Variants in ITGAE observed in about 807,000 individuals in gnomAD.
The protein encoded by ITGAE is integrin subunit alpha E, also known as integrin alpha-E.
ITGAE carries 99 observed loss-of-function variants against 136.5 expected under a neutral mutation model. That is an observed-to-expected ratio of 0.73 (90% confidence interval 0.62 to 0.86). The LOEUF (loss-of-function observed/expected upper bound fraction) is 0.86, where lower values mean the gene tolerates loss of function less well. Ranked by LOEUF, ITGAE falls within the 40% of genes least tolerant of loss-of-function variation. The pLI is 0.00. For missense variants in ITGAE, 1,447 were observed against 1,515.3 expected (o/e 0.95, Z 0.75); for synonymous variants, 613 against 591.8 (o/e 1.04, Z -0.52).
At chr17:3,785,250 CTT>C (rs1355600291) in intron 1 of ITGAE, among the ~76,000 whole-genome samples, 2 of 152,138 alleles carry the variant, frequency 1.3e-5, no homozygotes, top group African/African-American at 2.4e-5. Flanking sequence ...AGGCGGATCA[CTT>C]GAGGTCAGGA....
intron 1 of ITGAE, among the ~76,000 whole-genome samples, chr17:3,785,496 G>GAAGGAGGAAGGA (rs549502369): frequency 1.9e-5 from 2 of 107,700 alleles, no homozygotes; most frequent in Non-Finnish European, 3.9e-5. Flanking sequence ...AGGAAGGAAG[G>GAAGGAGGAAGGA]AGGAAGGAAG....
At chr17:3,754,423 C>T (rs1039488312) in intron 12 of ITGAE, among the ~76,000 whole-genome samples, 1 of 152,202 alleles carries the variant, frequency 6.6e-6, no homozygotes, top group Non-Finnish European at 1.5e-5. Flanking sequence ...AGGCATCCGC[C>T]ACCACGCCTA....
At chr17:3,728,229 G>GTGAGACCCT in intron 24 of ITGAE, 61 bp from the exon 25 acceptor site, 1 of 1,293,920 alleles carries the variant, frequency 7.7e-7, no homozygotes, top group Non-Finnish European at 1.1e-6. Context: ...TTGGAGACAG[G>GTGAGACCCT]GTCTCACTCT....
At chr17:3,792,709 G>C (rs936985163) in intron 1 of ITGAE, among the ~76,000 whole-genome samples, 4 of 152,186 alleles carry the variant, frequency 2.6e-5, no homozygotes, top group Non-Finnish European at 5.9e-5. Flanking sequence ...AAATCCTTTG[G>C]CTTAATAAAA....
At chr17:3,760,719 C>T (rs899781236) in intron 6 of ITGAE, among the ~76,000 whole-genome samples, 2 of 152,068 alleles carry the variant, frequency 1.3e-5, no homozygotes, top group African/African-American at 4.8e-5. Context: ...GGATTACAGG[C>T]ATGAGCCACC....
At chr17:3,752,314 T>G (rs1040159353) in intron 14 of ITGAE, among the ~76,000 whole-genome samples, 2 of 152,166 alleles carry the variant, frequency 1.3e-5, no homozygotes, top group African/African-American at 4.8e-5. Context: ...ACATGCCAGG[T>G]ACACTTGAGC....
chr17:3,796,158 TG>T (rs2053093516), intron 1 of ITGAE, among the ~76,000 whole-genome samples: 1 of 98,784 alleles, frequency 1.0e-5, no homozygotes, highest in Admixed American at 1.1e-4. Flanking sequence ...CGTGTGTGTG[TG>T]TGTGTGCATC....
At chr17:3,790,857 TAA>T in intron 1 of ITGAE, among the ~76,000 whole-genome samples, 1 of 151,930 alleles carries the variant, frequency 6.6e-6, no homozygotes, top group East Asian at 1.9e-4. Context: ...AACCAACTGT[TAA>T]AAAGACATTT....
intron 20 of ITGAE, 69 bp from the exon 21 acceptor site, chr17:3,735,018 G>A (rs2051430374): frequency 6.4e-7 from 1 of 1,550,748 alleles, no homozygotes; most frequent in East Asian, 2.3e-5. Flanking sequence ...AATACAATAG[G>A]ACATTCACCG....
intron 26 of ITGAE, chr17:3,726,412 A>AGGAG: frequency 1.1e-6 from 1 of 921,738 alleles, no homozygotes; most frequent in Non-Finnish European, 1.7e-6. Context: ...CCATCCCCAC[A>AGGAG]GGAGGGTGGA....
At chr17:3,751,082 G>C (rs2051853582) in intron 15 of ITGAE, among the ~76,000 whole-genome samples, 1 of 152,014 alleles carries the variant, frequency 6.6e-6, no homozygotes, top group African/African-American at 2.4e-5. Flanking sequence ...TTTCCGGTGT[G>C]GGGTGTGGAG....
intron 1 of ITGAE, among the ~76,000 whole-genome samples, chr17:3,790,167 AGAC>A (rs1488362265): frequency 6.6e-6 from 1 of 152,166 alleles, no homozygotes; most frequent in Non-Finnish European, 1.5e-5. Flanking sequence ...GCAGGTCTTC[AGAC>A]CACATTCTGA....
intron 2 of ITGAE, among the ~76,000 whole-genome samples, chr17:3,771,990 G>C (rs980481590): frequency 5.3e-5 from 8 of 151,996 alleles, no homozygotes; most frequent in Admixed American, 3.9e-4. Context: ...CAAACCCTCA[G>C]TGCCTGGGTG....
chr17:3,772,493 T>G lies in ITGAE; in HGVS notation c.155+5047A>C, dbSNP rs2052449076. Reference sequence around the variant, plus strand: ...TTTTTTTTTTTTTTTTGAGACGGAGTCTCACTGTCGCCCAGGCTGGAGTGC... The same window carrying G: ...TTTTTTTTTTTTTTTTGAGACGGAGGCTCACTGTCGCCCAGGCTGGAGTGC... On this transcript the variant is annotated intron_variant, in intron 2 of 30. Transcript: ENST00000263087. Among the ~76,000 whole-genome samples the G allele has an allele frequency of 2.1e-5, 3 of 140,662 alleles. 1 individual carries two copies. Among genetic ancestry groups the G allele is most frequent in the African/African-American group, 2.8e-5 (1 of 35,568 alleles). 92.3% of individuals were successfully genotyped at this position (140,662 alleles called of 152,430 possible).
chr17:3,739,043 C>T (rs558354942), intron 20 of ITGAE: 1 of 152,362 alleles, frequency 6.6e-6, no homozygotes, highest in South Asian at 2.1e-4. Context: ...TTACACCCCG[C>T]CCCACTCCAC....
At chr17:3,760,409 G>C in intron 6 of ITGAE, 122 bp from the exon 7 acceptor site, 1 of 260,210 alleles carries the variant, frequency 3.8e-6, no homozygotes, top group East Asian at 6.0e-5. Flanking sequence ...GAAGAAGTTG[G>C]AGAAGCTCCC....
chr17:3,726,738 T>G (rs2051223300), intron 26 of ITGAE: 1 of 157,440 alleles, frequency 6.4e-6, no homozygotes, highest in Non-Finnish European at 1.4e-5. Flanking sequence ...TTTTTTTAAT[T>G]TTATTGAGAC....
At chr17:3,723,265 T>C in intron 28 of ITGAE, 23 bp downstream of exon 28, 1 of 1,491,610 alleles carries the variant, frequency 6.7e-7, no homozygotes, top group Non-Finnish European at 9.4e-7. Flanking sequence ...TAATCAAATC[T>C]GGAGCATTTC....
intron 22 of ITGAE, among the ~76,000 whole-genome samples, chr17:3,731,507 A>C (rs1331978339): frequency 1.3e-5 from 2 of 151,470 alleles, no homozygotes; most frequent in Non-Finnish European, 2.9e-5. Flanking sequence ...ACGCCCAGCT[A>C]ATTTTTGTAT....
Sources: allele counts gnomAD v4.1 joint callset (sites outside exome capture counted in the v4.1 genomes callset), GRCh38; gene constraint gnomAD v4.1.1; transcripts MANE v1.5; gene names NCBI Gene and HGNC (gene_info 2026-07-23, HGNC 2026-07-21).